RBFOX1: variants seen among roughly 807,000 people sequenced by gnomAD.
RBFOX1 encodes the protein RNA binding fox-1 homolog 1, also known as RNA binding protein fox-1 homolog 1.
A neutral mutation model predicts 57.7 loss-of-function variants in RBFOX1; 8 were observed. That is an observed-to-expected ratio of 0.14 (90% CI 0.08 to 0.25). The LOEUF (loss-of-function observed/expected upper bound fraction) is 0.25. Ranked by LOEUF, RBFOX1 falls within the 10% of genes least tolerant of loss-of-function variation. The pLI, the probability that RBFOX1 is intolerant of heterozygous loss-of-function variation, is 1.00. For missense variants in RBFOX1, 611 were observed against 548.5 expected (o/e 1.11, Z -1.14); for synonymous variants, 326 against 222.4 (o/e 1.47, Z -4.15).
intron 4 of RBFOX1, among the ~76,000 whole-genome samples, chr16:7,092,695 G>C (rs1266483849): frequency 3.3e-5 from 5 of 152,140 alleles, no homozygotes; most frequent in African/African-American, 1.2e-4. Context: ...ACTGCGCCTT[G>C]GGGGACGCAC....
chr16:5,905,934 C>A (rs1199034204), intron 4 of RBFOX1, among the ~76,000 whole-genome samples: 1 of 152,192 alleles, frequency 6.6e-6, no homozygotes, highest in Admixed American at 6.5e-5. Flanking sequence ...AGGTTTTCAG[C>A]TCTCTTGTAG....
At chr16:6,678,288 C>G (rs1249075130) in intron 3 of RBFOX1, among the ~76,000 whole-genome samples, 1 of 152,006 alleles carries the variant, frequency 6.6e-6, no homozygotes, top group Admixed American at 6.6e-5. Context: ...CCACACATGG[C>G]TAATTTTTGT....
intron 11 of RBFOX1, among the ~76,000 whole-genome samples, chr16:7,634,520 AAT>A (rs2061462951): frequency 6.6e-6 from 1 of 152,148 alleles, no homozygotes; most frequent in South Asian, 2.1e-4. Context: ...TAATGAAAAT[AAT>A]TCCTACTGAA....
chr16:6,485,824 T>G (rs1246342802), intron 2 of RBFOX1, among the ~76,000 whole-genome samples: 1 of 152,174 alleles, frequency 6.6e-6, no homozygotes, highest in Non-Finnish European at 1.5e-5. Flanking sequence ...CCTTCAAACT[T>G]CTGTTTTTCC....
intron 2 of RBFOX1, among the ~76,000 whole-genome samples, chr16:6,351,443 G>A (rs981718444): frequency 1.5e-4 from 21 of 144,442 alleles, no homozygotes; most frequent in Admixed American, 1.1e-3. Flanking sequence ...GCATGATGTC[G>A]GCTCACTGCA....
intron 3 of RBFOX1, among the ~76,000 whole-genome samples, chr16:6,959,785 A>C (rs558662016): frequency 6.6e-6 from 1 of 152,160 alleles, no homozygotes; most frequent in South Asian, 2.1e-4. Flanking sequence ...AAAAGTACAA[A>C]AATTAGCCGG....
intron 1 of RBFOX1, among the ~76,000 whole-genome samples, chr16:6,281,324 C>A (rs924043482): frequency 6.6e-6 from 1 of 152,066 alleles, no homozygotes; most frequent in African/African-American, 2.4e-5. Context: ...GAGGAAGATG[C>A]ATCTCAGAGA....
rs139518501 is a variant in RBFOX1, at chr16:5,538,757, G to T, written c.259-60145G>T. ...TTGTCCTGCCTTAGACTCCCGAGTA[G>T]CTGGGACTACAGGCACGCACCACCA... On this transcript the variant is annotated intron_variant, in intron 2 of 2. Coordinates refer to the RBFOX1 transcript ENST00000585867. Among the ~76,000 whole-genome samples, 410 of 151,992 alleles carry T rather than the reference G, an allele frequency of 2.7e-3. 1 individual carries two copies. The highest frequency in any genetic ancestry group is 4.7e-3 in the Non-Finnish European group (322 of 67,980).
chr16:6,105,599 C>G (rs1471905399), intron 1 of RBFOX1, among the ~76,000 whole-genome samples: 1 of 151,902 alleles, frequency 6.6e-6, no homozygotes, highest in South Asian at 2.1e-4. Flanking sequence ...TTCATGGACA[C>G]TACCTTTTAT....
intron 2 of RBFOX1, among the ~76,000 whole-genome samples, chr16:5,483,583 T>A (rs376529120): frequency 6.6e-4 from 100 of 152,314 alleles, no homozygotes; most frequent in Middle Eastern, 6.8e-3. Flanking sequence ...CATTTTGAAG[T>A]GTGAAATACG....
intron 2 of RBFOX1, among the ~76,000 whole-genome samples, chr16:6,652,516 T>A (rs1165415626): frequency 2.0e-5 from 3 of 151,852 alleles, no homozygotes; most frequent in Non-Finnish European, 4.4e-5. Context: ...GAGCAGCAGC[T>A]ATGTGAGGCA....
intron 3 of RBFOX1, among the ~76,000 whole-genome samples, chr16:6,735,172 C>G (rs1381003508): frequency 1.3e-5 from 2 of 152,072 alleles, no homozygotes; most frequent in Non-Finnish European, 2.9e-5. Flanking sequence ...ACAACATCAA[C>G]AACAACAACA....
At chr16:6,312,665 C>G (rs138462093) in intron 1 of RBFOX1, among the ~76,000 whole-genome samples, 16 of 60,954 alleles carry the variant, frequency 2.6e-4, no homozygotes, top group Admixed American at 3.0e-4. Flanking sequence ...TCCTTCCTTC[C>G]TTCCTTCCTT....
chr16:6,173,170 G>C (rs966492438), intron 1 of RBFOX1, among the ~76,000 whole-genome samples: 2 of 151,986 alleles, frequency 1.3e-5, no homozygotes, highest in Admixed American at 1.3e-4. Context: ...TGCCATGTAC[G>C]GTAACATAGT....
At chr16:7,211,085 TAA>T (rs59344460) in intron 4 of RBFOX1, among the ~76,000 whole-genome samples, 3,580 of 144,340 alleles carry the variant, frequency 0.025, 93 homozygotes, top group African/African-American at 0.066. Context: ...TACATACACT[TAA>T]AAAAAAAAAA....
At chr16:7,104,324 C>G (rs575126099) in intron 4 of RBFOX1, among the ~76,000 whole-genome samples, 4 of 152,228 alleles carry the variant, frequency 2.6e-5, no homozygotes, top group African/African-American at 9.6e-5. Flanking sequence ...GTTGATGTAA[C>G]TTCTCCTAAG....
intron 3 of RBFOX1, among the ~76,000 whole-genome samples, chr16:6,796,154 C>T (rs142038904): frequency 2.2e-4 from 34 of 152,144 alleles, no homozygotes; most frequent in East Asian, 1.2e-3. Flanking sequence ...CACATGGTGG[C>T]GGACAAGAGA....
chr16:7,436,363 C>T (rs2098721229), intron 4 of RBFOX1, among the ~76,000 whole-genome samples: 2 of 152,178 alleles, frequency 1.3e-5, no homozygotes, highest in Non-Finnish European at 1.5e-5. Context: ...CGTGTTTGAA[C>T]ACATATAGTG....
chr16:5,607,170 T>C (rs915894441), intron 3 of RBFOX1, among the ~76,000 whole-genome samples: 2 of 152,194 alleles, frequency 1.3e-5, no homozygotes, highest in Non-Finnish European at 2.9e-5. Flanking sequence ...TACTTCTCAC[T>C]GCTAATGTGC....
Sources: allele counts gnomAD v4.1 joint callset (sites outside exome capture counted in the v4.1 genomes callset), GRCh38; gene constraint gnomAD v4.1.1; transcripts MANE v1.5; gene names NCBI Gene and HGNC (gene_info 2026-07-23, HGNC 2026-07-21).